ANKRD36: variants seen among roughly 807,000 people sequenced by gnomAD.
ANKRD36 encodes the protein ankyrin repeat domain-containing protein 36A.
A neutral mutation model predicts 278.1 loss-of-function variants in ANKRD36; 179 were observed. The ratio of observed to expected loss-of-function variants is 0.64; its 90% confidence interval spans 0.57 to 0.73. The LOEUF is 0.73. ANKRD36 is among the 30% of genes least tolerant of loss of function. The pLI is 0.00. For missense variants in ANKRD36, 1,159 were observed against 1,956.7 expected, an observed-to-expected ratio of 0.59 and a Z score of 7.69; for synonymous variants, 320 against 641.1, an observed-to-expected ratio of 0.50 and a Z score of 7.57.
chr2:97,123,613 T>TTATATATATATA (rs59057238), intron 4 of ANKRD36, among the ~76,000 whole-genome samples: 2 of 64,676 alleles, frequency 3.1e-5, no homozygotes, highest in African/African-American at 7.1e-5. Context: ...GTAAGTAACA[T>TTATATATATATA]TATATATATA....
At chr2:97,180,378 A>G (rs572710588) in intron 24 of ANKRD36, among the ~76,000 whole-genome samples, 60 of 151,724 alleles carry the variant, frequency 4.0e-4, no homozygotes, top group Non-Finnish European at 6.9e-4. Context: ...TGTAGCAATT[A>G]TTTTCCTCAA....
At chr2:97,220,657 T>C (rs537682840) in intron 66 of ANKRD36, among the ~76,000 whole-genome samples, 13 of 151,328 alleles carry the variant, frequency 8.6e-5, no homozygotes, top group African/African-American at 2.2e-4. Flanking sequence ...GATTCCAAAT[T>C]ATGGCTATTG....
intron 1 of ANKRD36, among the ~76,000 whole-genome samples, chr2:97,114,939 A>G (rs919363183): frequency 5.9e-5 from 9 of 152,152 alleles, no homozygotes; most frequent in African/African-American, 2.2e-4. Context: ...GTCAAAAAAG[A>G]CTTGCCTTTC....
intron 72 of ANKRD36, chr2:97,248,784 C>CA (rs2075647307): frequency 4.9e-6 from 1 of 203,836 alleles, no homozygotes; most frequent in African/African-American, 2.5e-5. Flanking sequence ...AATTCAAAAG[C>CA]AAGAAGAATG....
intron 10 of ANKRD36, among the ~76,000 whole-genome samples, chr2:97,146,168 T>C (rs1230006351): frequency 2.0e-5 from 3 of 152,066 alleles, no homozygotes; most frequent in African/African-American, 7.2e-5. Context: ...GCTTTTGCCA[T>C]GTTGGCCAGG....
intron 40 of ANKRD36, 133 bp downstream of exon 40, chr2:97,195,050 A>G: frequency 7.5e-7 from 1 of 1,339,482 alleles, no homozygotes; most frequent in Non-Finnish European, 1.0e-6. Context: ...ATTTCTAATA[A>G]GTTCTTGGGT....
intron 56 of ANKRD36, among the ~76,000 whole-genome samples, 184 bp downstream of exon 56, chr2:97,210,056 C>G (rs2063984096): frequency 6.6e-6 from 1 of 151,794 alleles, no homozygotes; most frequent in Non-Finnish European, 1.5e-5. Flanking sequence ...GATCTTCGCT[C>G]TAAGATTATA....
chr2:97,207,805 T>A lies in ANKRD36; in HGVS notation c.3164-6T>A, dbSNP rs2063286952. The A allele has an allele frequency of 1.9e-6, 3 of 1,546,166 alleles. No homozygotes were observed. Among genetic ancestry groups the A allele is most frequent in the Admixed American group, 3.9e-5 (2 of 50,920 alleles). ...TGAGTGATTATGAATCCCTTTTACT[T>A]TTCAGTGTCTTCTGAGAAACCATCA... is the stretch of plus-strand genomic sequence containing the variant. On this transcript the variant is annotated splice_polypyrimidine_tract_variant and splice_region_variant and intron_variant, in intron 52 of 75. Coordinates refer to ENST00000420699, the MANE Select transcript of ANKRD36 (RefSeq NM_001354587.1).
intron 10 of ANKRD36, among the ~76,000 whole-genome samples, 199 bp from the exon 11 acceptor site, chr2:97,146,287 A>G (rs200104095): frequency 2.6e-5 from 3 of 115,206 alleles, no homozygotes; most frequent in Non-Finnish European, 3.9e-5. Flanking sequence ...TTTTTTTTTT[A>G]ACTTTTTAAA....
chr2:97,231,842 G>T (rs2072241625), intron 67 of ANKRD36, among the ~76,000 whole-genome samples: 2 of 152,182 alleles, frequency 1.3e-5, no homozygotes, highest in Admixed American at 1.3e-4. Flanking sequence ...ATAATTTAAA[G>T]TTTGCCTAAT....
intron 8 of ANKRD36, 79 bp downstream of exon 8, chr2:97,142,914 G>A: frequency 1.4e-6 from 2 of 1,446,946 alleles, no homozygotes; most frequent in South Asian, 1.4e-5. Context: ...ATCGCAGGGA[G>A]CTCATTGAAT....
At chr2:97,214,326 T>G (rs1377495090) in intron 60 of ANKRD36, among the ~76,000 whole-genome samples, 1 of 17,682 alleles carries the variant, frequency 5.7e-5, no homozygotes, top group Non-Finnish European at 1.8e-4. Context: ...ATTTTAGTTT[T>G]TTATAGAAGT....
intron 10 of ANKRD36, among the ~76,000 whole-genome samples, chr2:97,145,058 G>T (rs781553175): frequency 3.9e-5 from 6 of 151,906 alleles, no homozygotes; most frequent in Non-Finnish European, 7.4e-5. Context: ...AATTATAGGC[G>T]CCTGATCACA....
At chr2:97,220,749 A>AT (rs1558889083) in intron 66 of ANKRD36, among the ~76,000 whole-genome samples, 5 of 86,884 alleles carry the variant, frequency 5.8e-5, no homozygotes, top group African/African-American at 5.9e-5. Flanking sequence ...TTTTTTTTTA[A>AT]TTTTTAATTT....
chr2:97,229,903 GT>G (rs1411492453), intron 67 of ANKRD36, among the ~76,000 whole-genome samples: 1 of 152,040 alleles, frequency 6.6e-6, no homozygotes, highest in Non-Finnish European at 1.5e-5. Flanking sequence ...ATGAAGCTTA[GT>G]TTGGCAGGAT....
chr2:97,150,516 A>G (rs2153463739), intron 12 of ANKRD36, among the ~76,000 whole-genome samples: 1 of 152,374 alleles, frequency 6.6e-6, no homozygotes, highest in African/African-American at 2.4e-5. Context: ...GGAATGTTAC[A>G]GGTAACCTAA....
chr2:97,152,575 G>A lies in ANKRD36; in HGVS notation c.1193+41G>A, dbSNP rs557933369. 41 of 1,441,094 alleles carry A rather than the reference G, an allele frequency of 2.8e-5. 2 individuals are homozygous for A. The highest frequency in any genetic ancestry group is 8.3e-5 in the African/African-American group (6 of 72,440). The allele number at this position is 1,441,094 out of a possible 1,614,324, so 89.3% of individuals were successfully genotyped here. A position where few individuals can be genotyped will look rare whatever the true frequency, so the allele number is the denominator to read the frequency against. On this transcript the variant is annotated intron_variant, in intron 14 of 75. Coordinates refer to ENST00000420699, the MANE Select transcript of ANKRD36 (RefSeq NM_001354587.1). ...TTTTTTAAAGTGATATGTTAACTAA[G>A]TGAATAGAGAGAAGAGAAACTAGTA...
At chr2:97,201,975 A>T (rs1251585381) in intron 46 of ANKRD36, among the ~76,000 whole-genome samples, 1 of 151,906 alleles carries the variant, frequency 6.6e-6, no homozygotes, top group Non-Finnish European at 1.5e-5. Flanking sequence ...TCGACATATG[A>T]GAAATCATAC....
At chr2:97,215,577 T>C in intron 62 of ANKRD36, 80 bp downstream of exon 62, 1 of 1,581,308 alleles carries the variant, frequency 6.3e-7, no homozygotes, top group East Asian at 2.4e-5. Flanking sequence ...CAGCGGGGGG[T>C]TCATTGAAGT....
Sources: gnomAD v4.1 joint callset for allele counts (sites outside exome capture counted in the v4.1 genomes callset) on GRCh38, gnomAD v4.1.1 for gene constraint, MANE v1.5 for transcripts, NCBI Gene and HGNC (gene_info 2026-07-23, HGNC 2026-07-21) for gene names.